Variants in PTPRD observed in about 807,000 individuals in gnomAD.
The protein encoded by PTPRD is protein tyrosine phosphatase receptor type D, also known as receptor-type tyrosine-protein phosphatase delta.
In PTPRD, 34 loss-of-function variants were observed where a neutral mutation model predicts 214.5. The observed-to-expected ratio is 0.16, with a 90% confidence interval of 0.12 to 0.21. The LOEUF (loss-of-function observed/expected upper bound fraction) is 0.21, where lower values mean the gene tolerates loss of function less well. PTPRD is among the 10% of genes least tolerant of loss of function. The pLI is 1.00. For synonymous variants in PTPRD, 1,128 were observed against 845.7 expected (o/e 1.33, Z -5.79); for missense variants, 2,545 against 2,398.7 (o/e 1.06, Z -1.27).
At chr9:9,245,609 G>C (rs867663652) in intron 9 of PTPRD, among the ~76,000 whole-genome samples, 26 of 151,974 alleles carry the variant, frequency 1.7e-4, no homozygotes, top group African/African-American at 6.0e-4. Context: ...TCACACACCA[G>C]GGCCTGTTGT....
intron 3 of PTPRD, among the ~76,000 whole-genome samples, chr9:10,288,053 A>G (rs1396839581): frequency 6.6e-6 from 1 of 151,738 alleles, no homozygotes; most frequent in Non-Finnish European, 1.5e-5. Flanking sequence ...ATGAATATGA[A>G]TCAATTAAGA....
intron 9 of PTPRD, among the ~76,000 whole-genome samples, chr9:9,280,134 C>G (rs1947130128): frequency 6.6e-6 from 1 of 151,238 alleles, no homozygotes; most frequent in African/African-American, 2.4e-5. Context: ...CTGAGAAAAT[C>G]TGCACATGAC....
intron 5 of PTPRD, among the ~76,000 whole-genome samples, chr9:9,898,727 T>C (rs1198956836): frequency 6.6e-6 from 1 of 152,094 alleles, no homozygotes; most frequent in Non-Finnish European, 1.5e-5. Context: ...AAGTCTAGTT[T>C]AAGAAACCAT....
intron 9 of PTPRD, among the ~76,000 whole-genome samples, chr9:9,298,768 A>G (rs546898651): frequency 6.6e-6 from 1 of 151,894 alleles, no homozygotes; most frequent in South Asian, 2.1e-4. Flanking sequence ...AATTATTTAC[A>G]TATTGAATAA....
chr9:10,350,684 A>G (rs1411818955), intron 2 of PTPRD, among the ~76,000 whole-genome samples: 2 of 152,166 alleles, frequency 1.3e-5, no homozygotes, highest in Non-Finnish European at 2.9e-5. Flanking sequence ...ACTGTATTAC[A>G]CTGTATATAA....
chr9:8,914,846 A>G (rs956664185), intron 11 of PTPRD, among the ~76,000 whole-genome samples: 1 of 152,148 alleles, frequency 6.6e-6, no homozygotes, highest in African/African-American at 2.4e-5. Context: ...CATTTACTGG[A>G]TTTTATTATT....
chr9:9,508,279 C>T (rs1469831421), intron 8 of PTPRD, among the ~76,000 whole-genome samples: 1 of 151,490 alleles, frequency 6.6e-6, no homozygotes, highest in Admixed American at 6.6e-5. Context: ...GTGGCCCCTA[C>T]CACTAATGAG....
intron 3 of PTPRD, among the ~76,000 whole-genome samples, chr9:10,155,634 T>A (rs935031967): frequency 1.6e-4 from 25 of 152,108 alleles, no homozygotes; most frequent in African/African-American, 6.0e-4. Flanking sequence ...ATACTACATG[T>A]TTGAGAGTTT....
chr9:8,486,048 T>G lies in PTPRD; in HGVS notation c.2769A>C (p.Gln923His). ...AAGTGGTGCCTTCTGAGTGAAGGTT[T>G]TGAGGGAATCCAGTTGGTACTTCTT... is the stretch of plus-strand genomic sequence containing the variant. ...IPEEVPTGFPQNLHSEGTTST... is the reference protein window; with the variant it reads ...IPEEVPTGFPHNLHSEGTTST... The change falls in exon 28 of 46, where the codon CAA becomes CAC. Residue 923 changes from glutamine to histidine, a missense_variant. Coordinates refer to ENST00000381196, the MANE Select transcript of PTPRD (RefSeq NM_002839.4). 1 of 1,614,182 alleles carries G rather than the reference T, an allele frequency of 6.2e-7. No homozygotes were observed. Among genetic ancestry groups the G allele is most frequent in the Non-Finnish European group, 8.5e-7 (1 of 1,180,012 alleles).
At chr9:9,942,494 A>G (rs1231339564) in intron 4 of PTPRD, among the ~76,000 whole-genome samples, 2 of 152,182 alleles carry the variant, frequency 1.3e-5, no homozygotes, top group East Asian at 3.8e-4. Flanking sequence ...GTACATCTGT[A>G]GAATAGATTT....
At chr9:8,857,698 C>T (rs1028717424) in intron 11 of PTPRD, 2 of 158,692 alleles carry the variant, frequency 1.3e-5, no homozygotes, top group Non-Finnish European at 2.7e-5. Context: ...CCAACACTTT[C>T]CTCCAGCGCC....
intron 9 of PTPRD, among the ~76,000 whole-genome samples, chr9:9,372,700 C>T (rs2059842410): frequency 6.6e-6 from 1 of 152,144 alleles, no homozygotes; most frequent in South Asian, 2.1e-4. Context: ...GCAGTTTCTT[C>T]CTAGCCTTGA....
chr9:10,415,277 T>C (rs1366490441), intron 2 of PTPRD, among the ~76,000 whole-genome samples: 11 of 151,770 alleles, frequency 7.2e-5, no homozygotes, highest in Non-Finnish European at 1.5e-4. Context: ...TATATGCACT[T>C]TATTCCTCAG....
At chr9:9,004,491 C>T (rs936080950) in intron 11 of PTPRD, among the ~76,000 whole-genome samples, 1 of 151,574 alleles carries the variant, frequency 6.6e-6, no homozygotes, top group African/African-American at 2.4e-5. Flanking sequence ...TTTTTTTTTA[C>T]TTGGCTCTTG....
intron 3 of PTPRD, among the ~76,000 whole-genome samples, chr9:10,198,456 A>T (rs868867141): frequency 6.6e-6 from 1 of 152,116 alleles, no homozygotes; most frequent in Non-Finnish European, 1.5e-5. Context: ...CAGTAATAGA[A>T]GCTGAAAGTT....
chr9:9,806,473 G>A (rs2099073980), intron 5 of PTPRD, among the ~76,000 whole-genome samples: 2 of 151,710 alleles, frequency 1.3e-5, no homozygotes, highest in Non-Finnish European at 2.9e-5. Context: ...CACCCTCCCC[G>A]CCCTTGTGAA....
chr9:10,199,929 A>G (rs1291276866), intron 3 of PTPRD, among the ~76,000 whole-genome samples: 2 of 151,864 alleles, frequency 1.3e-5, no homozygotes, highest in African/African-American at 2.4e-5. Context: ...ACACACACAC[A>G]CACACATCCT....
At chr9:9,185,119 T>G (rs2099930529) in intron 9 of PTPRD, among the ~76,000 whole-genome samples, 1 of 152,068 alleles carries the variant, frequency 6.6e-6, no homozygotes, top group Admixed American at 6.6e-5. Flanking sequence ...CGTGGTGATT[T>G]GGAATGTCCT....
intron 5 of PTPRD, among the ~76,000 whole-genome samples, chr9:9,822,796 G>T (rs966816530): frequency 6.6e-6 from 1 of 151,964 alleles, no homozygotes; most frequent in Non-Finnish European, 1.5e-5. Context: ...CTCATGTGAC[G>T]ATTCTCAGCG....
Sources: allele counts gnomAD v4.1 joint callset (sites outside exome capture counted in the v4.1 genomes callset), GRCh38; gene constraint gnomAD v4.1.1; transcripts MANE v1.5; gene names NCBI Gene and HGNC (gene_info 2026-07-23, HGNC 2026-07-21).